Variants in SASS6 observed in about 807,000 individuals in gnomAD.
SASS6 encodes spindle assembly abnormal protein 6 homolog.
A neutral mutation model predicts 94.9 loss-of-function variants in SASS6; 59 were observed. The observed-to-expected ratio is 0.62, with a 90% confidence interval of 0.50 to 0.77. The LOEUF (loss-of-function observed/expected upper bound fraction) is 0.77. Among genes scored for constraint, SASS6 ranks in the 30% least tolerant of loss-of-function variants. The pLI, the probability that SASS6 is intolerant of heterozygous loss-of-function variation, is 0.00. For missense variants in SASS6, 698 were observed against 734.1 expected (o/e 0.95, Z 0.57); for synonymous variants, 264 against 270.0 (o/e 0.98, Z 0.22).
At chr1:100,129,982 C>G (rs957467861) in intron 1 of SASS6, among the ~76,000 whole-genome samples, 1 of 152,166 alleles carries the variant, frequency 6.6e-6, no homozygotes, top group Non-Finnish European at 1.5e-5. Context: ...ATTTATTATG[C>G]TCTAGTCACT....
At chr1:100,127,234 A>AG (rs1643909436) in intron 1 of SASS6, among the ~76,000 whole-genome samples, 1 of 152,360 alleles carries the variant, frequency 6.6e-6, no homozygotes, top group South Asian at 2.1e-4. Flanking sequence ...ATGTGCAGGT[A>AG]GAAAAAAGTA....
chr1:100,092,255 T>C (rs370319956), intron 14 of SASS6, among the ~76,000 whole-genome samples: 21 of 152,054 alleles, frequency 1.4e-4, no homozygotes, highest in Admixed American at 6.5e-4. Context: ...TAATTTCTCA[T>C]TGGAAATCAT....
At chr1:100,093,433 C>T (rs560594317) in intron 14 of SASS6, among the ~76,000 whole-genome samples, 1 of 152,188 alleles carries the variant, frequency 6.6e-6, no homozygotes, top group African/African-American at 2.4e-5. Context: ...GGACTTAGGA[C>T]GTAGTCTATC....
At chr1:100,122,547 G>C in intron 3 of SASS6, 63 bp from the exon 4 acceptor site, 2 of 423,006 alleles carry the variant, frequency 4.7e-6, no homozygotes, top group South Asian at 5.5e-5. Context: ...TTGTTTTGGT[G>C]CCTTTTTTTT....
chr1:100,108,537 T>A (rs769035101), intron 8 of SASS6, among the ~76,000 whole-genome samples: 1 of 152,112 alleles, frequency 6.6e-6, no homozygotes, highest in Non-Finnish European at 1.5e-5. Flanking sequence ...AATAGATTTT[T>A]AAAAAATCTA....
At chr1:100,114,290 T>G (rs1401943688) in intron 7 of SASS6, among the ~76,000 whole-genome samples, 1 of 152,080 alleles carries the variant, frequency 6.6e-6, no homozygotes, top group Non-Finnish European at 1.5e-5. Context: ...GAGGCTAGCA[T>G]AATTCTAATA....
At chr1:100,122,522 T>TC in intron 3 of SASS6, 38 bp from the exon 4 acceptor site, 1 of 888,818 alleles carries the variant, frequency 1.1e-6, no homozygotes, top group Non-Finnish European at 1.8e-6. Context: ...TTTAAAAATT[T>TC]TAATTAACTT....
chr1:100,095,085 T>C (rs1400795385), intron 14 of SASS6, among the ~76,000 whole-genome samples: 1 of 152,170 alleles, frequency 6.6e-6, no homozygotes, highest in East Asian at 1.9e-4. Context: ...TAAAAGCTCT[T>C]AGCAAACTAG....
rs182859482 is a variant in SASS6, at chr1:100,103,574, T to G, written c.1546-491A>C. Among the ~76,000 whole-genome samples, 137 of 152,362 alleles carry G rather than the reference T, an allele frequency of 9.0e-4. 1 individual carries two copies. The highest frequency in any genetic ancestry group is 3.0e-3 in the African/African-American group (126 of 41,582). The stretch of plus-strand genomic sequence containing the variant: ...ACATTAACCAACGTTATGAAAAAGT[T>G]TATTTTTATACTGAGACCAGTTGTA... On this transcript the variant is annotated intron_variant, in intron 13 of 16. Transcript: ENST00000287482.
chr1:100,123,425 C>A, intron 2 of SASS6, 136 bp from the exon 3 acceptor site: 1 of 508,984 alleles, frequency 2.0e-6, no homozygotes. Context: ...TCTAGTGCTG[C>A]TGGTTTTTTA....
At chr1:100,120,271 G>A in intron 6 of SASS6, 123 bp downstream of exon 6, 1 of 606,096 alleles carries the variant, frequency 1.6e-6, no homozygotes, top group Non-Finnish European at 3.0e-6. Flanking sequence ...TGGCAAAGAG[G>A]AATGGAAATT....
At chr1:100,086,429 G>A (rs1431707295) in intron 15 of SASS6, among the ~76,000 whole-genome samples, 1 of 151,496 alleles carries the variant, frequency 6.6e-6, no homozygotes, top group African/African-American at 2.4e-5. Flanking sequence ...TAATTTTATG[G>A]ACAGATGGAT....
rs1651147534 is a variant in SASS6, at chr1:100,085,213, T to C, written c.*115A>G. 1 of 740,940 alleles carries C rather than the reference T, an allele frequency of 1.3e-6. No homozygotes were observed. The highest frequency in any genetic ancestry group is 2.0e-5 in the Admixed American group (1 of 49,312). 45.9% of individuals were successfully genotyped at this position (740,940 alleles called of 1,614,324 possible). A position where few individuals can be genotyped will look rare whatever the true frequency, so the allele number is the denominator to read the frequency against. The stretch of plus-strand genomic sequence containing the variant: ...AGCAGTACTTAAAGTATCCAGTCTT[T>C]AACAGCTCAAGTAAAATTTGAAACT... On this transcript the variant is annotated 3_prime_UTR_variant, in exon 17 of 17. Coordinates refer to ENST00000287482, the MANE Select transcript of SASS6 (RefSeq NM_194292.3).
At chr1:100,130,987 A>C (rs1654962636) in intron 1 of SASS6, among the ~76,000 whole-genome samples, 1 of 152,192 alleles carries the variant, frequency 6.6e-6, no homozygotes, top group South Asian at 2.1e-4. Context: ...GAATATATTA[A>C]AGGTTTCTAA....
intron 14 of SASS6, among the ~76,000 whole-genome samples, chr1:100,101,899 AGT>A (rs1008125862): frequency 2.4e-4 from 37 of 152,348 alleles, no homozygotes; most frequent in Middle Eastern, 3.4e-3. Context: ...TTATTTTTAG[AGT>A]AGCCCAGACC....
chr1:100,101,727 T>C (rs1304740017), intron 14 of SASS6, among the ~76,000 whole-genome samples: 4 of 152,196 alleles, frequency 2.6e-5, no homozygotes, highest in Non-Finnish European at 4.4e-5. Flanking sequence ...TAATAAGCAA[T>C]GCAAGAAGAG....
chr1:100,119,210 A>G, intron 6 of SASS6, 73 bp from the exon 7 acceptor site: 2 of 811,592 alleles, frequency 2.5e-6, no homozygotes, highest in Non-Finnish European at 3.6e-6. Flanking sequence ...GAATATAGCA[A>G]TATTTACAAG....
intron 14 of SASS6, among the ~76,000 whole-genome samples, chr1:100,096,675 T>C (rs888986775): frequency 3.3e-5 from 5 of 152,248 alleles, no homozygotes; most frequent in African/African-American, 9.6e-5. Flanking sequence ...AAAGAACTTA[T>C]AATTCAATAA....
chr1:100,127,129 T>C (rs1654675251), intron 1 of SASS6, among the ~76,000 whole-genome samples: 1 of 152,170 alleles, frequency 6.6e-6, no homozygotes. Context: ...GCTTATATAA[T>C]TCAGAAAATA....
Sources: gnomAD v4.1 joint callset for allele counts (sites outside exome capture counted in the v4.1 genomes callset) on GRCh38, gnomAD v4.1.1 for gene constraint, MANE v1.5 for transcripts, NCBI Gene and HGNC (gene_info 2026-07-23, HGNC 2026-07-21) for gene names.